The following CACNG2 variants were observed in gnomAD, a reference collection of about 807,000 sequenced individuals.
The protein encoded by CACNG2 is voltage-dependent calcium channel gamma-2 subunit.
A neutral mutation model predicts 25.9 loss-of-function variants in CACNG2; 3 were observed. The observed-to-expected ratio is 0.12, with a 90% CI of 0.05 to 0.30. The LOEUF is 0.30. Ranked by LOEUF, CACNG2 falls within the 10% of genes least tolerant of loss-of-function variation. The probability of loss-of-function intolerance (pLI) is 1.00; values close to 1 mark genes in which losing one functional copy is unlikely to be tolerated. For synonymous variants in CACNG2, 167 were observed against 173.3 expected, an observed-to-expected ratio of 0.96 and a Z score of 0.29; for missense variants, 341 against 432.5, an observed-to-expected ratio of 0.79 and a Z score of 1.88.
chr22:36,631,180 C>A (rs147206128), intron 1 of CACNG2, among the ~76,000 whole-genome samples: 2 of 152,110 alleles, frequency 1.3e-5, no homozygotes, highest in African/African-American at 4.8e-5. Flanking sequence ...ACTCGGTACA[C>A]GTGTGAGATG....
intron 3 of CACNG2, among the ~76,000 whole-genome samples, chr22:36,565,657 A>T (rs1053053791): frequency 6.6e-6 from 1 of 152,056 alleles, no homozygotes; most frequent in Non-Finnish European, 1.5e-5. Context: ...AAATAAAAAA[A>T]TTTCTGTAGA....
chr22:36,579,276 C>T (rs1316422879), intron 2 of CACNG2, among the ~76,000 whole-genome samples: 1 of 151,852 alleles, frequency 6.6e-6, no homozygotes, highest in African/African-American at 2.4e-5. Flanking sequence ...TGGTGGCAGA[C>T]ACTTGTAATC....
intron 1 of CACNG2, among the ~76,000 whole-genome samples, chr22:36,632,473 T>TC (rs1224627011): frequency 2.1e-5 from 2 of 95,096 alleles, no homozygotes; most frequent in African/African-American, 1.1e-4. Context: ...TCCTCTCCTC[T>TC]CTCTCTCTCT....
chr22:36,579,909 C>A (rs113113993), intron 2 of CACNG2, among the ~76,000 whole-genome samples: 75 of 152,340 alleles, frequency 4.9e-4, no homozygotes, highest in Non-Finnish European at 4.9e-4. Context: ...CCTCCCCGGG[C>A]GCCCATCTCT....
chr22:36,679,247 T>TTTCTTTCCTTCTTTCTTTC (rs1937064299), intron 1 of CACNG2, among the ~76,000 whole-genome samples: 1 of 147,172 alleles, frequency 6.8e-6, no homozygotes, highest in African/African-American at 2.7e-5. Context: ...TCTTTCTTTC[T>TTTCTTTCCTTCTTTCTTTC]TTTCTTTAAA....
intron 1 of CACNG2, among the ~76,000 whole-genome samples, chr22:36,626,355 T>C (rs1936183025): frequency 6.6e-6 from 1 of 152,246 alleles, no homozygotes; most frequent in East Asian, 1.9e-4. Flanking sequence ...CGGCAAAGCA[T>C]AACAGCATTG....
chr22:36,635,775 C>T (rs1328298299), intron 1 of CACNG2, among the ~76,000 whole-genome samples: 5 of 152,200 alleles, frequency 3.3e-5, no homozygotes, highest in South Asian at 2.1e-4. Context: ...TCGCTCACCT[C>T]CCATCCCTCC....
In CACNG2 at chr22:36,635,548, C is replaced by T. The variant is rs565774105; in HGVS notation, c.212-48000G>A. 3.9e-5 allele frequency among the ~76,000 whole-genome samples: 6 copies of T among 152,280 alleles called. No individual in the cohort carries two copies. The South Asian group carries it at 8.3e-4, about 21-fold the overall frequency. On this transcript the variant is annotated intron_variant, in intron 1 of 3. Coordinates refer to ENST00000300105, the MANE Select transcript of CACNG2 (RefSeq NM_006078.5). Reference sequence around the variant, plus strand: ...GAGAAGGCTTAAGTAAATTGTGGTACATCCCTTTGATGTCATCTGTCCCGA... The same window carrying T: ...GAGAAGGCTTAAGTAAATTGTGGTATATCCCTTTGATGTCATCTGTCCCGA...
chr22:36,566,466 G>T lies in CACNG2; in HGVS notation c.323C>A (p.Pro108Gln). The T allele has an allele frequency of 1.2e-6, 2 of 1,614,176 alleles. No homozygotes were observed. Among genetic ancestry groups the T allele is most frequent in the African/African-American group, 2.7e-5 (2 of 75,070 alleles). The change falls in exon 3 of 4, where the codon CCA becomes CAA. Residue 108 changes from proline to glutamine, a missense_variant. Pro to Gln is a moderately conservative substitution (Grantham distance 76, BLOSUM62 -1). Transcript: ENST00000300105. The part of the protein sequence containing the change: ...LRAVRASSIF[P>Q]ILSVILLFMG... ...GAAAAGCAGAATCACACTCAGGATT[G>T]GGAAAATGCTGGAGGCCCTCACGGC...
chr22:36,567,486 C>T (rs2283967), intron 2 of CACNG2, among the ~76,000 whole-genome samples: 36,237 of 151,824 alleles, frequency 0.24, 4,494 homozygotes, highest in Admixed American at 0.29. Flanking sequence ...GAAGAGAAAC[C>T]CCTCTAGATA....
At chr22:36,673,587 A>T (rs1358038034) in intron 1 of CACNG2, among the ~76,000 whole-genome samples, 1 of 151,118 alleles carries the variant, frequency 6.6e-6, no homozygotes, top group Non-Finnish European at 1.5e-5. Flanking sequence ...AGGTGGCAGG[A>T]GAGAGGACAA....
intron 1 of CACNG2, among the ~76,000 whole-genome samples, chr22:36,697,425 A>G (rs1303945539): frequency 6.6e-6 from 1 of 152,164 alleles, no homozygotes; most frequent in Non-Finnish European, 1.5e-5. Context: ...TGCCCAGAGC[A>G]CTCTGGAGGC....
At chr22:36,658,507 G>A (rs755369843) in intron 1 of CACNG2, among the ~76,000 whole-genome samples, 1 of 152,218 alleles carries the variant, frequency 6.6e-6, no homozygotes, top group Non-Finnish European at 1.5e-5. Flanking sequence ...CCATTTTCTA[G>A]ATAAGGATAA....
chr22:36,675,051 A>T lies in CACNG2; in HGVS notation c.211+27315T>A, dbSNP rs150950384. 2.8e-4 allele frequency among the ~76,000 whole-genome samples: 42 copies of T among 152,144 alleles called. No individual in the cohort carries two copies. In the East Asian group the frequency reaches 7.0e-3, roughly 25 times the overall value. The stretch of plus-strand genomic sequence containing the variant: ...GGTTAGTGAGAAGATTAAACGAGAT[A>T]ATTTATTACTTTTTGGGACAGGGTT... On this transcript the variant is annotated intron_variant, in intron 1 of 3. Transcript: ENST00000300105.
chr22:36,680,962 CT>C (rs1431267834), intron 1 of CACNG2, among the ~76,000 whole-genome samples: 6 of 151,882 alleles, frequency 4.0e-5, no homozygotes, highest in African/African-American at 7.3e-5. Flanking sequence ...AGATTCTTTT[CT>C]TTTCCTGTCA....
chr22:36,682,805 A>G (rs1456335654), intron 1 of CACNG2, among the ~76,000 whole-genome samples: 3 of 152,338 alleles, frequency 2.0e-5, no homozygotes, highest in Non-Finnish European at 4.4e-5. Context: ...AGTTATTTAA[A>G]GGAAATCCAG....
At chr22:36,663,306 T>C (rs6519030) in intron 1 of CACNG2, among the ~76,000 whole-genome samples, 63,511 of 152,038 alleles carry the variant, frequency 0.42, 15,784 homozygotes, top group African/African-American at 0.7. Flanking sequence ...TACTTGGGGA[T>C]CTCCGAGTCA....
intron 1 of CACNG2, among the ~76,000 whole-genome samples, chr22:36,698,096 G>A (rs1806417441): frequency 6.6e-6 from 1 of 151,986 alleles, no homozygotes; most frequent in Admixed American, 6.6e-5. Context: ...AGAAGTTCCA[G>A]GAAGAACAAA....
intron 1 of CACNG2, among the ~76,000 whole-genome samples, chr22:36,699,656 T>TG (rs905123885): frequency 7.9e-6 from 1 of 126,868 alleles, no homozygotes; most frequent in Non-Finnish European, 1.6e-5. Flanking sequence ...GGGTGGGGGG[T>TG]GGGGGGATCT....
Sources: allele counts gnomAD v4.1 joint callset (sites outside exome capture counted in the v4.1 genomes callset), GRCh38; gene constraint gnomAD v4.1.1; transcripts MANE v1.5; gene names NCBI Gene and HGNC (gene_info 2026-07-23, HGNC 2026-07-21).